The following CHD9 variants were observed in gnomAD, a reference collection of about 807,000 sequenced individuals.
CHD9 encodes chromodomain helicase DNA binding protein 9.
Under a neutral mutation model 316.1 loss-of-function variants are expected in CHD9, and 77 were observed. That is an observed-to-expected ratio of 0.24 (90% confidence interval 0.20 to 0.29). The LOEUF is 0.29. Ranked by LOEUF, CHD9 falls within the 10% of genes least tolerant of loss-of-function variation. CHD9 has a pLI of 1.00. For synonymous variants in CHD9, 1,129 were observed against 1,158.3 expected (o/e 0.97, Z 0.51); for missense variants, 2,763 against 3,438.1 (o/e 0.80, Z 4.91).
intron 24 of CHD9, 89 bp from the exon 25 acceptor site, chr16:53,285,507 C>A: frequency 1.7e-6 from 1 of 596,900 alleles, no homozygotes; most frequent in African/African-American, 1.9e-5. Flanking sequence ...CTCTTGAAAG[C>A]CACAGTGCTT....
intron 1 of CHD9, among the ~76,000 whole-genome samples, chr16:53,109,273 A>G (rs2037635767): frequency 6.6e-6 from 1 of 152,158 alleles, no homozygotes; most frequent in Non-Finnish European, 1.5e-5. Flanking sequence ...GGGTGTTTGG[A>G]GTTGTGCTAC....
Position 53,325,147 on chromosome 16 carries a change from G to C in CHD9, c.*252G>C. 1 of 319,940 alleles carries C rather than the reference G, an allele frequency of 3.1e-6. No homozygotes were observed. The highest frequency in any genetic ancestry group is 5.7e-6 in the Non-Finnish European group (1 of 174,690). The allele number at this position is 319,940 out of a possible 1,614,324, so 19.8% of individuals were successfully genotyped here. A position where few individuals can be genotyped will look rare whatever the true frequency, so the allele number is the denominator to read the frequency against. On this transcript the variant is annotated 3_prime_UTR_variant, in exon 39 of 39. Coordinates refer to ENST00000447540, the MANE Select transcript of CHD9 (RefSeq NM_001308319.2). ...CAACAAAAGGCATTATAATTTTGTT[G>C]GGGGTTAATTTTATGAAAATTATGC... is the stretch of plus-strand genomic sequence containing the variant.
At chr16:53,169,964 C>A (rs934364248) in intron 2 of CHD9, among the ~76,000 whole-genome samples, 5 of 151,962 alleles carry the variant, frequency 3.3e-5, no homozygotes, top group Non-Finnish European at 7.4e-5. Context: ...TCCATCCTAA[C>A]ATGACATTTT....
chr16:53,146,413 G>GTATATATATATATATATATATATATATA (rs1361043895), intron 1 of CHD9, among the ~76,000 whole-genome samples: 70 of 24,438 alleles, frequency 2.9e-3, no homozygotes, highest in African/African-American at 4.2e-3. Flanking sequence ...TTGTGTGTGT[G>GTATATATATATATATATATATATATATA]TGTATGTATA....
At position 53,083,928 on chromosome 16, in the gene CHD9, T is replaced by C. The variant is rs148618116; in HGVS notation, c.-165+28851T>C. Among the ~76,000 whole-genome samples, 8 of 152,028 alleles carry C rather than the reference T, an allele frequency of 5.3e-5. No individual in the cohort carries two copies. In the East Asian group the frequency reaches 1.6e-3, roughly 29 times the overall value. ...ACTATGCCCAACTAATTTTTTTTTT[T>C]AATTGAGATAGGGTCTCACTTTGTT... On this transcript the variant is annotated intron_variant, in intron 1 of 38. Transcript: ENST00000447540.
chr16:53,205,872 A>G (rs1449556345), intron 2 of CHD9, among the ~76,000 whole-genome samples: 2 of 152,164 alleles, frequency 1.3e-5, no homozygotes, highest in Admixed American at 6.5e-5. Flanking sequence ...AGAGATCTCC[A>G]TTTCAAACTC....
chr16:53,294,374 G>A (rs569835703), intron 29 of CHD9, among the ~76,000 whole-genome samples: 10 of 152,198 alleles, frequency 6.6e-5, no homozygotes, highest in South Asian at 2.1e-4. Flanking sequence ...AAATACTACC[G>A]CCTCTGTAAA....
At chr16:53,273,526 AC>A (rs1187724530) in intron 22 of CHD9, 99 bp from the exon 23 acceptor site, 1 of 800,198 alleles carries the variant, frequency 1.2e-6, no homozygotes, top group African/African-American at 1.7e-5. Context: ...CTCTGAACAG[AC>A]CTCAGAAAGT....
intron 3 of CHD9, among the ~76,000 whole-genome samples, chr16:53,217,971 T>G (rs941295034): frequency 8.0e-5 from 12 of 150,750 alleles, no homozygotes; most frequent in Non-Finnish European, 1.6e-4. Context: ...TTTTTTTAAT[T>G]CAGAATTACT....
rs1367662176 is a variant in CHD9 at position 53,296,991 on chromosome 16, T to C, written c.5546T>C (p.Val1849Ala). 1.2e-6 allele frequency: 2 copies of C among 1,613,874 alleles called. No individual in the cohort carries two copies. The highest frequency in any genetic ancestry group is 1.1e-5 in the South Asian group (1 of 91,088). ...AGAGAAGAAGCTGACTTTTATAGGGTTGTATCTACATTTGGAGTGGTTTTT... is the reference window on the plus strand; with the variant it reads ...AGAGAAGAAGCTGACTTTTATAGGGCTGTATCTACATTTGGAGTGGTTTTT... ...TRREEADFYR[V>A]VSTFGVVFDP... The change falls in exon 30 of 39, where the codon GTT becomes GCT. Residue 1849 changes from valine (V) to alanine (A), a missense_variant. Val to Ala is a moderately conservative substitution (Grantham distance 64, BLOSUM62 0). Coordinates refer to ENST00000447540, the MANE Select transcript of CHD9 (RefSeq NM_001308319.2).
intron 2 of CHD9, among the ~76,000 whole-genome samples, chr16:53,190,038 C>T (rs1404455121): frequency 1.3e-5 from 2 of 152,006 alleles, no homozygotes; most frequent in African/African-American, 2.4e-5. Flanking sequence ...CCATGATTTT[C>T]CCCCAACCCT....
At chr16:53,243,687 T>C (rs184744983) in intron 13 of CHD9, among the ~76,000 whole-genome samples, 2 of 152,220 alleles carry the variant, frequency 1.3e-5, no homozygotes, top group Non-Finnish European at 2.9e-5. Context: ...AAAGTTATAT[T>C]ATTCAGATCA....
At chr16:53,101,298 A>G (rs557774029) in intron 1 of CHD9, among the ~76,000 whole-genome samples, 2 of 132,998 alleles carry the variant, frequency 1.5e-5, no homozygotes, top group South Asian at 4.7e-4. Flanking sequence ...TTTTTGAGAC[A>G]GGGTCTCACT....
chr16:53,283,118 C>G (rs1194868628), intron 24 of CHD9, among the ~76,000 whole-genome samples: 1 of 151,992 alleles, frequency 6.6e-6, no homozygotes, highest in Non-Finnish European at 1.5e-5. Context: ...TTTCCATTCT[C>G]TTCCTCTTCC....
intron 1 of CHD9, among the ~76,000 whole-genome samples, chr16:53,100,313 T>A (rs988204193): frequency 6.6e-6 from 1 of 152,118 alleles, no homozygotes; most frequent in Non-Finnish European, 1.5e-5. Flanking sequence ...GTCCTCTGAA[T>A]GTGAGGAGAA....
At position 53,304,160 on chromosome 16, in the gene CHD9, C is replaced by T; in HGVS notation, c.6154C>T (p.Leu2052Phe). 1 of 1,612,810 alleles carries T rather than the reference C, an allele frequency of 6.2e-7. No homozygotes were observed. Among genetic ancestry groups the T allele is most frequent in the Non-Finnish European group, 8.5e-7 (1 of 1,179,488 alleles). ...GGAGATGAAAGTTAAAAGTGAAAAC[C>T]TTAAAGAGGAGCCTCAGTCTTCTGA... The part of the protein sequence containing the change: ...LEEMKVKSEN[L>F]KEEPQSSEEE... The change falls in exon 31 of 39, where the codon CTT becomes TTT. Residue 2052 changes from leucine (L) to phenylalanine (F), a missense_variant. By Grantham distance (22) the Leu-to-Phe change is conservative (BLOSUM62 0). Transcript: ENST00000447540.
chr16:53,308,960 C>A (rs1597953463), intron 34 of CHD9, 106 bp downstream of exon 34: 1 of 801,538 alleles, frequency 1.2e-6, no homozygotes, highest in African/African-American at 1.7e-5. Context: ...TTTGTTGGAA[C>A]CTCTTAAGCC....
chr16:53,305,728 G>A (rs1353665719), intron 31 of CHD9, among the ~76,000 whole-genome samples: 1 of 152,182 alleles, frequency 6.6e-6, no homozygotes, highest in Non-Finnish European at 1.5e-5. Flanking sequence ...TCAGGGGCAA[G>A]AAAATGAGTC....
chr16:53,312,566 G>A (rs558501913), intron 34 of CHD9, among the ~76,000 whole-genome samples: 2 of 152,296 alleles, frequency 1.3e-5, no homozygotes, highest in Admixed American at 1.3e-4. Flanking sequence ...CCTTGCTAGT[G>A]TGTAAATTCT....
Sources: allele counts gnomAD v4.1 joint callset (sites outside exome capture counted in the v4.1 genomes callset), GRCh38; gene constraint gnomAD v4.1.1; transcripts MANE v1.5; gene names NCBI Gene and HGNC (gene_info 2026-07-23, HGNC 2026-07-21).